The following ESRRB variants were observed in gnomAD, a reference collection of about 807,000 sequenced individuals.
ESRRB encodes steroid hormone receptor ERR2.
Under a neutral mutation model 46.0 loss-of-function variants are expected in ESRRB, and 16 were observed. The ratio of observed to expected loss-of-function variants is 0.35; its 90% CI spans 0.24 to 0.53. ESRRB has a LOEUF of 0.53. ESRRB is among the 20% of genes least tolerant of loss of function. ESRRB has a pLI of 0.93. For synonymous variants in ESRRB, 246 were observed against 259.6 expected (o/e 0.95, Z 0.50); for missense variants, 488 against 607.4 (o/e 0.80, Z 2.07).
chr14:76,481,306 G>A (rs1055174203), intron 3 of ESRRB, among the ~76,000 whole-genome samples: 4 of 152,172 alleles, frequency 2.6e-5, no homozygotes, highest in East Asian at 3.9e-4. Context: ...GCAGGCTTCC[G>A]GAAGGCAAGT....
At chr14:76,404,234 C>G (rs1175030425) in intron 1 of ESRRB, among the ~76,000 whole-genome samples, 1 of 151,958 alleles carries the variant, frequency 6.6e-6, no homozygotes, top group Non-Finnish European at 1.5e-5. Context: ...TCACCAGGGA[C>G]CTAGCCATAG....
chr14:76,448,961 T>C (rs1050876837), intron 2 of ESRRB, among the ~76,000 whole-genome samples: 1 of 152,230 alleles, frequency 6.6e-6, no homozygotes, highest in Non-Finnish European at 1.5e-5. Context: ...AATGAATCTT[T>C]GATACAAATG....
At chr14:76,352,011 C>CAAAAAAAAAAAAAAAAAAAAAAAAAAAA (rs1884319857) in intron 1 of ESRRB, among the ~76,000 whole-genome samples, 1 of 109,052 alleles carries the variant, frequency 9.2e-6, no homozygotes, top group Non-Finnish European at 2.0e-5. Flanking sequence ...AAAAAAAAAG[C>CAAAAAAAAAAAAAAAAAAAAAAAAAAAA]AAACTCCAAG....
intron 2 of ESRRB, among the ~76,000 whole-genome samples, chr14:76,459,475 G>A (rs112699573): frequency 4.7e-5 from 7 of 148,044 alleles, no homozygotes; most frequent in South Asian, 2.3e-4. Flanking sequence ...AAGGCCTGGC[G>A]ACCTAGGAGA....
At chr14:76,451,666 G>GC (rs1555398920) in intron 2 of ESRRB, among the ~76,000 whole-genome samples, 1 of 151,948 alleles carries the variant, frequency 6.6e-6, no homozygotes, top group Non-Finnish European at 1.5e-5. Context: ...TTGCTATGTT[G>GC]CCCAGGCTGG....
intron 1 of ESRRB, among the ~76,000 whole-genome samples, chr14:76,377,983 A>G (rs1410944551): frequency 7.2e-6 from 1 of 139,548 alleles, no homozygotes; most frequent in African/African-American, 2.6e-5. Flanking sequence ...CAGCTTGAAA[A>G]GTGGCTTTCA....
chr14:76,448,657 T>G (rs1487764716), intron 2 of ESRRB, among the ~76,000 whole-genome samples: 1 of 152,002 alleles, frequency 6.6e-6, no homozygotes, highest in African/African-American at 2.4e-5. Flanking sequence ...CGATTTTCAC[T>G]TAACCCCATG....
rs148067686 is a variant in ESRRB, at chr14:76,420,776, G to C, written c.51-18565G>C. 6.2e-3 allele frequency among the ~76,000 whole-genome samples: 949 copies of C among 152,246 alleles called. 9 individuals are homozygous for C. The highest frequency in any genetic ancestry group is 0.022 in the African/African-American group (893 of 41,524). On this transcript the variant is annotated intron_variant, in intron 1 of 6. Coordinates refer to ENST00000644823, the MANE Select transcript of ESRRB (RefSeq NM_001379180.1). ...AAAAAGGGGTCCCCTGGAACCGGTG[G>C]CCACCATGCCCTTTGTATCAGGGGT... is the stretch of plus-strand genomic sequence containing the variant.
chr14:76,327,312 C>T (rs10145094), intron 1 of ESRRB, among the ~76,000 whole-genome samples: 89,471 of 152,104 alleles, frequency 0.59, 27,309 homozygotes, highest in South Asian at 0.73. Flanking sequence ...CTCTGACACG[C>T]CTGGAAACTC....
At chr14:76,418,178 C>A (rs926179467) in intron 1 of ESRRB, among the ~76,000 whole-genome samples, 4 of 152,026 alleles carry the variant, frequency 2.6e-5, no homozygotes, top group Admixed American at 6.6e-5. Context: ...TGGTCTTGAA[C>A]CCCTGACCTC....
intron 1 of ESRRB, among the ~76,000 whole-genome samples, chr14:76,354,121 C>G (rs2139763907): frequency 6.6e-6 from 1 of 152,062 alleles, no homozygotes; most frequent in East Asian, 1.9e-4. Context: ...TTTGCATCCA[C>G]ATACCCTGAC....
At chr14:76,411,852 T>C (rs1345475553) in intron 1 of ESRRB, among the ~76,000 whole-genome samples, 1 of 152,212 alleles carries the variant, frequency 6.6e-6, no homozygotes, top group African/African-American at 2.4e-5. Context: ...ACTATAAGAA[T>C]AGTATTATTC....
chr14:76,495,164 A>ACACC (rs1890375663), intron 6 of ESRRB, among the ~76,000 whole-genome samples: 1 of 151,578 alleles, frequency 6.6e-6, no homozygotes, highest in African/African-American at 2.4e-5. Flanking sequence ...ATACACACAC[A>ACACC]CCCCCACCTG....
At chr14:76,439,257 C>T in intron 1 of ESRRB, 84 bp from the exon 2 acceptor site, 1 of 1,510,650 alleles carries the variant, frequency 6.6e-7, no homozygotes, top group South Asian at 1.1e-5. Context: ...AGAGCCCTTC[C>T]CAGCCACCCT....
intron 2 of ESRRB, among the ~76,000 whole-genome samples, chr14:76,445,770 G>A (rs1268609875): frequency 2.7e-5 from 4 of 148,642 alleles, no homozygotes; most frequent in South Asian, 2.1e-4. Flanking sequence ...CTTCAACCTC[G>A]GCCTCCCAGG....
At chr14:76,427,174 A>C (rs1887239056) in intron 1 of ESRRB, among the ~76,000 whole-genome samples, 1 of 152,168 alleles carries the variant, frequency 6.6e-6, no homozygotes, top group South Asian at 2.1e-4. Flanking sequence ...TGAGCTGTCC[A>C]TCTTACTGCC....
chr14:76,417,944 C>CT (rs869242837), intron 1 of ESRRB, among the ~76,000 whole-genome samples: 23,092 of 91,160 alleles, frequency 0.25, 3,145 homozygotes, highest in East Asian at 0.52. Context: ...CTTTTACATA[C>CT]TTTTTTTTTT....
rs1447459387 is a variant in ESRRB at position 76,376,296 on chromosome 14, A to C, written c.-106A>C. 3.0e-5 allele frequency: 27 copies of C among 889,594 alleles called. No individual in the cohort carries two copies. The highest frequency in any genetic ancestry group is 4.3e-5 in the Admixed American group (1 of 23,246). 55.1% of individuals were successfully genotyped at this position (889,594 alleles called of 1,614,324 possible). A position where few individuals can be genotyped will look rare whatever the true frequency, so the allele number is the denominator to read the frequency against. On this transcript the variant is annotated 5_prime_UTR_variant, in exon 1 of 7. Coordinates refer to ENST00000644823, the MANE Select transcript of ESRRB (RefSeq NM_001379180.1). The surrounding 1 kb of genome is among the most constrained non-coding windows in gnomAD (Gnocchi z 4.1). ...CCTCCCACTCTGCGTTCTCGCGCTC[A>C]CTGTGCCCTGCCCGGGCTCGCACCT...
At chr14:76,481,014 G>T (rs1224332331) in intron 3 of ESRRB, among the ~76,000 whole-genome samples, 1 of 152,240 alleles carries the variant, frequency 6.6e-6, no homozygotes, top group African/African-American at 2.4e-5. Flanking sequence ...AAGGAACGTT[G>T]TCTGAGGCTG....
Sources: gnomAD v4.1 joint callset for allele counts (sites outside exome capture counted in the v4.1 genomes callset) on GRCh38, gnomAD v4.1.1 for gene constraint, Gnocchi (gnomAD v3.1) non-coding constraint, MANE v1.5 for transcripts, NCBI Gene and HGNC (gene_info 2026-07-23, HGNC 2026-07-21) for gene names.